ATM: variants seen among roughly 807,000 people sequenced by gnomAD.
ATM encodes serine-protein kinase ATM.
ATM carries 308 observed loss-of-function variants against 387.0 expected under a neutral mutation model. The ratio of observed to expected loss-of-function variants is 0.80; its 90% CI spans 0.73 to 0.87. ATM has a LOEUF of 0.87. ATM is among the 40% of genes least tolerant of loss of function. The pLI is 0.00. For synonymous variants in ATM, 1,156 were observed against 1,187.3 expected, an observed-to-expected ratio of 0.97 and a Z score of 0.54; for missense variants, 3,312 against 3,560.9, an observed-to-expected ratio of 0.93 and a Z score of 1.78.
At chr11:108,341,355 T>C (rs1288448766) in intron 56 of ATM, among the ~76,000 whole-genome samples, 1 of 152,132 alleles carries the variant, frequency 6.6e-6, no homozygotes, top group Admixed American at 6.6e-5. Context: ...TTTCTCTCTT[T>C]TTTAAACTTA....
At position 108,302,922 on chromosome 11, in the gene ATM, C is replaced by G. The variant is rs748358106; in HGVS notation, c.5389C>G (p.Pro1797Ala). 1 of 1,613,358 alleles carries G rather than the reference C, an allele frequency of 6.2e-7. No individual in the cohort carries two copies. Among genetic ancestry groups the G allele is most frequent in the Admixed American group, 1.7e-5 (1 of 60,010 alleles). Residue 1797 changes from proline (P) to alanine (A), a missense_variant, in exon 36 of 63, where the codon CCT becomes GCT. This residue lies in a region of ATM where 1,405 missense variants were observed against 1,604.4 expected (regional missense o/e 0.88). Transcript: ENST00000675843. ...EGLDDINLWI[P>A]LSENHDIWIK... ...CCTGGATGATATAAATCTGTGGATT[C>G]CTCTAAGTGAAAATCATGACATTTG...
chr11:108,347,566 A>T (rs1026285559), intron 59 of ATM, among the ~76,000 whole-genome samples: 2 of 152,126 alleles, frequency 1.3e-5, no homozygotes, highest in African/African-American at 4.8e-5. Flanking sequence ...AACTTAATAG[A>T]TGAGGTGTCT....
rs371122690 is a variant in ATM, at chr11:108,242,418, CATT to C, written c.497-1532_497-1530del. Among the ~76,000 whole-genome samples, 907 of 152,186 alleles carry C rather than the reference CATT, an allele frequency of 6.0e-3. 10 individuals are homozygous for C. The highest frequency in any genetic ancestry group is 0.021 in the African/African-American group (858 of 41,520). ...GTGCACTCTCACCACTCCTTTTCAA[CATT>C]ATGTTGGAGGTTCTAGCCAGGGTAG... On this transcript the variant is annotated intron_variant, in intron 5 of 62. Transcript: ENST00000675843.
At chr11:108,341,982 C>T (rs2136902961) in intron 56 of ATM, among the ~76,000 whole-genome samples, 1 of 152,300 alleles carries the variant, frequency 6.6e-6, no homozygotes, top group Admixed American at 6.5e-5. Flanking sequence ...TACCCTAGAG[C>T]AGACTTGTCC....
At chr11:108,307,210 T>G (rs2135966307) in intron 37 of ATM, among the ~76,000 whole-genome samples, 1 of 151,800 alleles carries the variant, frequency 6.6e-6, no homozygotes, top group Admixed American at 6.6e-5. Context: ...AGTGCAGTGG[T>G]GCAATCTCGG....
intron 4 of ATM, among the ~76,000 whole-genome samples, chr11:108,232,660 C>T (rs1162676535): frequency 5.4e-5 from 8 of 147,622 alleles, no homozygotes; most frequent in Non-Finnish European, 1.2e-4. Context: ...ACGTGTCAGC[C>T]TCTAGAGTAG....
rs876659605 is a variant in ATM, at chr11:108,282,835, T to A, written c.3702T>A (p.Phe1234Leu). 6.5e-7 allele frequency: 1 copy of A among 1,536,544 alleles called. No homozygotes were observed. The highest frequency in any genetic ancestry group is 9.0e-7 in the Non-Finnish European group (1 of 1,112,248). Reference protein sequence around the residue: ...LQDTEYNLSSFPFILLNYTNI... With the variant: ...LQDTEYNLSSLPFILLNYTNI... ...ATACTGAATACAACTTATCTTCTTT[T>A]CCTTTTATTTTATTAAACTACACAA... The change falls in exon 25 of 63, where the codon TTT becomes TTA. Residue 1234 changes from phenylalanine to leucine, a missense_variant. Phe to Leu is a conservative substitution (Grantham distance 22, BLOSUM62 0). This residue lies in a region of ATM where 1,791 missense variants were observed against 1,804.5 expected (regional missense o/e 0.99). Transcript: ENST00000675843.
In ATM at chr11:108,253,959, G is replaced by C. The variant is rs2135369797; in HGVS notation, c.2044G>C (p.Val682Leu). The C allele has an allele frequency of 6.2e-7, 1 of 1,614,082 alleles. No homozygotes were observed. ...GCACCAGTCCAGTATTGGCTTCTCTGTCCACCAGAATCTCAAGGAATCACT... is the reference window on the plus strand; with the variant it reads ...GCACCAGTCCAGTATTGGCTTCTCTCTCCACCAGAATCTCAAGGAATCACT... ...EKHQSSIGFS[V>L]HQNLKESLDR... The change falls in exon 13 of 63, where the codon GTC becomes CTC. Residue 682 changes from valine (V) to leucine (L), a missense_variant. By Grantham distance (32) the Val-to-Leu change is conservative (BLOSUM62 1). Transcript: ENST00000675843.
intron 61 of ATM, among the ~76,000 whole-genome samples, chr11:108,361,578 T>C (rs955443377): frequency 2.0e-5 from 3 of 151,902 alleles, no homozygotes; most frequent in South Asian, 2.1e-4. Flanking sequence ...CAAAACAACA[T>C]GGTACTGGTA....
chr11:108,261,355 A>G (rs971955879), intron 16 of ATM, among the ~76,000 whole-genome samples: 4 of 151,822 alleles, frequency 2.6e-5, no homozygotes, highest in African/African-American at 9.7e-5. Flanking sequence ...ACTGGGAGGC[A>G]CCCCCCAGCA....
At chr11:108,278,031 T>G (rs1158112261) in intron 22 of ATM, among the ~76,000 whole-genome samples, 1 of 152,088 alleles carries the variant, frequency 6.6e-6, no homozygotes, top group Non-Finnish European at 1.5e-5. Context: ...TTAAAATAAA[T>G]GAATGTACTT....
At chr11:108,230,586 CG>C (rs1201340575) in intron 4 of ATM, 1 of 152,172 alleles carries the variant, frequency 6.6e-6, no homozygotes, top group Non-Finnish European at 1.5e-5. Flanking sequence ...CTTCAGCTCA[CG>C]TGACCTAGGT....
In ATM at chr11:108,338,276, G is replaced by T. The variant is rs140746862; in HGVS notation, c.8268+2315G>T. Among the ~76,000 whole-genome samples the T allele has an allele frequency of 8.1e-3, 1,223 of 151,708 alleles. 8 individuals are homozygous for T. The highest frequency in any genetic ancestry group is 0.025 in the African/African-American group (1,048 of 41,338). ...TGAGGTGAGAGAATCACTTAAACCC[G>T]GATGGCAGAGGTTGCAGTTGAGCCG... is the stretch of plus-strand genomic sequence containing the variant. On this transcript the variant is annotated intron_variant, in intron 56 of 62. Transcript: ENST00000675843.
In ATM at chr11:108,282,853, C is replaced by T. The variant is rs1478427829; in HGVS notation, c.3720C>T (p.Asn1240=). The T allele has an allele frequency of 6.6e-7, 1 of 1,515,624 alleles. No homozygotes were observed. Among genetic ancestry groups the T allele is most frequent in the Non-Finnish European group, 9.1e-7 (1 of 1,094,296 alleles). 93.9% of individuals were successfully genotyped at this position (1,515,624 alleles called of 1,614,324 possible). ...NLSSFPFILL[N]YTNIEDFYRS... ...CTTCTTTTCCTTTTATTTTATTAAA[C>T]TACACAAATATTGAGGATTTCTATA... The change falls in exon 25 of 63, where the codon AAC becomes AAT. Residue 1240 remains asparagine, a synonymous_variant. Transcript: ENST00000675843.
intron 18 of ATM, among the ~76,000 whole-genome samples, chr11:108,270,814 G>A (rs2081534392): frequency 6.6e-6 from 1 of 152,090 alleles, no homozygotes. Flanking sequence ...TCCTGCCTCA[G>A]CCTCCTGAGT....
At chr11:108,322,378 T>A (rs1385417284) in intron 45 of ATM, among the ~76,000 whole-genome samples, 1 of 152,218 alleles carries the variant, frequency 6.6e-6, no homozygotes, top group East Asian at 1.9e-4. Context: ...GGCCTCGAAC[T>A]CCTGACCTCA....
In ATM at chr11:108,273,331, C is replaced by CTTTTTTTTT. The variant is rs563140198; in HGVS notation, c.3284+498_3284+506dup. 1.6e-3 allele frequency among the ~76,000 whole-genome samples: 131 copies of CTTTTTTTTT among 80,656 alleles called. 8 individuals are homozygous for CTTTTTTTTT. Among genetic ancestry groups the CTTTTTTTTT allele is most frequent in the African/African-American group, 6.8e-3 (119 of 17,514 alleles). 52.9% of individuals were successfully genotyped at this position (80,656 alleles called of 152,430 possible). A position where few individuals can be genotyped will look rare whatever the true frequency, so the allele number is the denominator to read the frequency against. On this transcript the variant is annotated intron_variant, in intron 22 of 62. Transcript: ENST00000675843. Reference sequence around the variant, plus strand: ...GGAATAAACATATATTAATTTCATTCTTTTTTTTTTTTTTTTTTTTTTTTT... The same window carrying CTTTTTTTTT: ...GGAATAAACATATATTAATTTCATTCTTTTTTTTTTTTTTTTTTTTTTTTTTTTTTTTTT...
chr11:108,303,558 T>C (rs534410077), intron 36 of ATM, among the ~76,000 whole-genome samples: 8 of 152,320 alleles, frequency 5.3e-5, no homozygotes, highest in Non-Finnish European at 8.8e-5. Context: ...TTTATAGCAC[T>C]GTCAAATGTG....
chr11:108,254,880 C>G (rs2135380098), intron 13 of ATM, among the ~76,000 whole-genome samples: 1 of 152,186 alleles, frequency 6.6e-6, no homozygotes, highest in East Asian at 1.9e-4. Context: ...AACTCCTGAC[C>G]TCAGGTGATG....
Sources: allele counts gnomAD v4.1 joint callset (sites outside exome capture counted in the v4.1 genomes callset), GRCh38; gene constraint gnomAD v4.1.1; regional missense constraint gnomAD v4.1.1; transcripts MANE v1.5; gene names NCBI Gene and HGNC (gene_info 2026-07-23, HGNC 2026-07-21).